The following STAB1 variants were observed in gnomAD, a reference collection of about 807,000 sequenced individuals.
STAB1 encodes stabilin-1.
Under a neutral mutation model 332.4 loss-of-function variants are expected in STAB1, and 250 were observed. That is an observed-to-expected ratio of 0.75 (90% confidence interval 0.68 to 0.84). STAB1 has a LOEUF of 0.84. STAB1 is among the 40% of genes least tolerant of loss of function. The probability of loss-of-function intolerance (pLI) is 0.00; values close to 1 mark genes in which losing one functional copy is unlikely to be tolerated. For missense variants in STAB1, 3,249 were observed against 3,489.7 expected (o/e 0.93, Z 1.74); for synonymous variants, 1,475 against 1,390.4 (o/e 1.06, Z -1.35).
chr3:52,514,036 G>T lies in STAB1; in HGVS notation c.3447+55G>T. On this transcript the variant is annotated intron_variant, in intron 32 of 68. Transcript: ENST00000321725. ...CTGCTCGGGGGACACTGTGCCCCAG[G>T]TCCAGAGGGACCTGGCTGGCTCCCA... 1.9e-6 allele frequency: 3 copies of T among 1,597,034 alleles called. No individual in the cohort carries two copies. The African/African-American group carries it at 4.0e-5, about 21-fold the overall frequency.
At position 52,520,989 on chromosome 3, in the gene STAB1, T is replaced by C. The variant is rs1287207068; in HGVS notation, c.5892T>C (p.Tyr1964=). ...AGCCCAGCTGCTGCCCTGGTCACTATGGCAGTGAGTGCCAAGGTGAGCATT... is the reference window on the plus strand; with the variant it reads ...AGCCCAGCTGCTGCCCTGGTCACTACGGCAGTGAGTGCCAAGGTGAGCATT... ...TWKPSCCPGH[Y]GSECQACPGG... The change falls in exon 55 of 69, where the codon TAT becomes TAC. Residue 1964 remains tyrosine, a synonymous_variant. Transcript: ENST00000321725. 1.3e-6 allele frequency: 2 copies of C among 1,550,848 alleles called. No individual in the cohort carries two copies. The highest frequency in any genetic ancestry group is 2.3e-5 in the East Asian group (1 of 44,414).
Position 52,517,473 on chromosome 3 carries a change from A to AG in STAB1, c.4564-71dup, listed in dbSNP as rs997343786. The AG allele has an allele frequency of 8.2e-5, 130 of 1,588,478 alleles. 1 individual carries two copies. The highest frequency in any genetic ancestry group is 1.8e-4 in the South Asian group (16 of 87,930). Reference sequence around the variant, plus strand: ...GCCTCCCTTCAGGGCAGGCCCGGGGAGGGGGGTGACCCTTTTACCCAGGGT... The same window carrying AG: ...GCCTCCCTTCAGGGCAGGCCCGGGGAGGGGGGGTGACCCTTTTACCCAGGGT... On this transcript the variant is annotated intron_variant, in intron 43 of 68. Coordinates refer to ENST00000321725, the MANE Select transcript of STAB1 (RefSeq NM_015136.3).
chr3:52,512,117 C>A (rs1481411890), intron 26 of STAB1, among the ~76,000 whole-genome samples: 1 of 152,266 alleles, frequency 6.6e-6, no homozygotes, highest in East Asian at 1.9e-4. Context: ...CAGCCCTGAG[C>A]TCCCTCGCAT....
chr3:52,498,208 T>A (rs763825433), intron 1 of STAB1, among the ~76,000 whole-genome samples: 2 of 152,236 alleles, frequency 1.3e-5, no homozygotes, highest in East Asian at 3.9e-4. Flanking sequence ...TCTCCTCAAC[T>A]TCCCCCAGCA....
Position 52,512,938 on chromosome 3 carries a change from G to A in STAB1, c.3138G>A (p.Arg1046=). ...PEDRAFWLQP[R]TLPNLVRAHF... ...ACCGAGCTTTCTGGCTGCAGCCAAGGACGCTGCCGAACCTGGTCAGGTGGG... is the reference window on the plus strand; with the variant it reads ...ACCGAGCTTTCTGGCTGCAGCCAAGAACGCTGCCGAACCTGGTCAGGTGGG... Residue 1046 remains arginine (R), a synonymous_variant, in exon 29 of 69, where the codon AGG becomes AGA. Transcript: ENST00000321725. 6.2e-7 allele frequency: 1 copy of A among 1,611,066 alleles called. No individual in the cohort carries two copies. Among genetic ancestry groups the A allele is most frequent in the Non-Finnish European group, 8.5e-7 (1 of 1,179,256 alleles).
Position 52,517,353 on chromosome 3 carries a change from G to A in STAB1, c.4523G>A (p.Cys1508Tyr), listed in dbSNP as rs1361958141. The A allele has an allele frequency of 6.2e-7, 1 of 1,603,888 alleles. No individual in the cohort carries two copies. Among genetic ancestry groups the A allele is most frequent in the South Asian group, 1.1e-5 (1 of 89,528 alleles). Reference protein sequence around the residue: ...INSCLIHHGGCHIHAECIPTG... With the variant: ...INSCLIHHGGYHIHAECIPTG... ...AGCTGTCTCATCCACCACGGGGGCTGCCACATTCACGCCGAGTGCATCCCC... is the reference window on the plus strand; with the variant it reads ...AGCTGTCTCATCCACCACGGGGGCTACCACATTCACGCCGAGTGCATCCCC... The change falls in exon 43 of 69, where the codon TGC (cysteine) becomes TAC (tyrosine). Residue 1508 changes from cysteine to tyrosine, a missense_variant. Transcript: ENST00000321725.
chr3:52,520,483 C>T lies in STAB1; in HGVS notation c.5583C>T (p.Asp1861=). ...PFEGGLAYGI[D]QLLEPPGLGA... ...AGGGTGGCCTGGCCTATGGCATCGACCAGCTGCTGGAGCCACCTGGCCTTG... is the reference window on the plus strand; with the variant it reads ...AGGGTGGCCTGGCCTATGGCATCGATCAGCTGCTGGAGCCACCTGGCCTTG... The change falls in exon 53 of 69, where the codon GAC becomes GAT. Residue 1861 remains aspartate, a synonymous_variant. Transcript: ENST00000321725. The T allele has an allele frequency of 2.5e-6, 4 of 1,612,690 alleles. No individual in the cohort carries two copies. The South Asian group carries it at 3.3e-5, about 13-fold the overall frequency.
rs1432591904 is a variant in STAB1, at chr3:52,505,101, C to T, written c.1476C>T (p.Gly492=). The change falls in exon 13 of 69, where the codon GGC becomes GGT. Residue 492 remains glycine, a synonymous_variant. Coordinates refer to ENST00000321725, the MANE Select transcript of STAB1 (RefSeq NM_015136.3). ...AANGVFHVVT[G]LRWQAPSGTP... ...ATGGCGTCTTCCACGTGGTCACTGG[C>T]CTGCGGTGGCAGGCCCCCTCTGGGA... 4.3e-6 allele frequency: 7 copies of T among 1,613,466 alleles called. No individual in the cohort carries two copies. Among genetic ancestry groups the T allele is most frequent in the African/African-American group, 1.3e-5 (1 of 74,936 alleles).
intron 30 of STAB1, 151 bp from the exon 31 acceptor site, chr3:52,513,566 G>C: frequency 1.3e-6 from 1 of 781,650 alleles, no homozygotes; most frequent in South Asian, 1.7e-5. Flanking sequence ...TCAGCTCCTG[G>C]GAGGAGCTTC....
Position 52,516,557 on chromosome 3 carries a change from A to AGTG in STAB1, c.4257_4259dup (p.Gln1419_Cys1420insTrp), listed in dbSNP as rs757757368. On this transcript the variant is annotated inframe_insertion, in exon 40 of 69. Transcript: ENST00000321725. ...TGCCCCCCAGAAATCACCAGCCCTC[A>AGTG]GTGCCCTAGGAAGTGCGACCCCAAT... is the stretch of plus-strand genomic sequence containing the variant. The AGTG allele has an allele frequency of 6.8e-6, 11 of 1,613,090 alleles. No homozygotes were observed. In the African/African-American group the frequency reaches 1.3e-4, roughly 20 times the overall value.
chr3:52,496,220 C>G (rs750574614), intron 1 of STAB1, among the ~76,000 whole-genome samples: 2 of 152,240 alleles, frequency 1.3e-5, no homozygotes, highest in Non-Finnish European at 2.9e-5. Context: ...GCCAGCCCCT[C>G]GGTCAGGTCC....
rs376305738 is a variant in STAB1, at chr3:52,510,516, C to T, written c.2787+9C>T. 7.8e-5 allele frequency: 125 copies of T among 1,610,616 alleles called. No homozygotes were observed. The African/African-American group carries it at 8.7e-4, about 11-fold the overall frequency. On this transcript the variant is annotated intron_variant, in intron 25 of 68. Transcript: ENST00000321725. ...ATGTGGGCCCCGGGCAGGTGAGGTGCAGCAGAGAAGGGGTGGGGGCCTTGG... is the reference window on the plus strand; with the variant it reads ...ATGTGGGCCCCGGGCAGGTGAGGTGTAGCAGAGAAGGGGTGGGGGCCTTGG...
chr3:52,497,309 T>C (rs970527573), intron 1 of STAB1, among the ~76,000 whole-genome samples: 11 of 151,636 alleles, frequency 7.3e-5, no homozygotes, highest in Non-Finnish European at 1.3e-4. Context: ...GACTTTTCTA[T>C]GTACATAGCA....
rs2078855340 is a variant in STAB1 at position 52,516,166 on chromosome 3, T to A, written c.4072T>A (p.Cys1358Ser). Residue 1358 changes from cysteine to serine, a missense_variant, in exon 38 of 69, where the codon TGC (cysteine) becomes AGC (serine). Transcript: ENST00000321725. ...DRFLGSGECHCHEGFHGTACE... is the reference protein window; with the variant it reads ...DRFLGSGECHSHEGFHGTACE... ...GTTCCTGGGCAGCGGGGAGTGCCAC[T>A]GCCACGAGGGCTTCCATGGAACGGC... is the stretch of plus-strand genomic sequence containing the variant. 1.2e-6 allele frequency: 2 copies of A among 1,612,214 alleles called. No individual in the cohort carries two copies.
chr3:52,507,928 T>G lies in STAB1; in HGVS notation c.2053-3T>G, dbSNP rs767452091. On this transcript the variant is annotated splice_polypyrimidine_tract_variant and splice_region_variant and intron_variant, in intron 19 of 68. Coordinates refer to ENST00000321725, the MANE Select transcript of STAB1 (RefSeq NM_015136.3). ...CTGACTGGCTTTGCATGGCCCACCC[T>G]AGGACATCTTCCCCAAGGAGTGTGT... 1 of 1,613,096 alleles carries G rather than the reference T, an allele frequency of 6.2e-7. No homozygotes were observed. Among genetic ancestry groups the G allele is most frequent in the Non-Finnish European group, 8.5e-7 (1 of 1,179,672 alleles).
chr3:52,512,280 G>A, intron 26 of STAB1, 61 bp from the exon 27 acceptor site: 1 of 1,510,514 alleles, frequency 6.6e-7, no homozygotes, highest in Admixed American at 1.7e-5. Context: ...AAAGATGGGG[G>A]AGGGAGGGGC....
At chr3:52,506,924 G>T in intron 18 of STAB1, 74 bp downstream of exon 18, 1 of 1,570,998 alleles carries the variant, frequency 6.4e-7, no homozygotes. Flanking sequence ...CCTCTTCCCA[G>T]GGAGAGGCGC....
At chr3:52,506,336 C>T in intron 17 of STAB1, 86 bp downstream of exon 17, 1 of 1,265,788 alleles carries the variant, frequency 7.9e-7, no homozygotes, top group Non-Finnish European at 1.1e-6. Context: ...TGCTCCGAGC[C>T]CCGTGGTGGG....
intron 5 of STAB1, 71 bp from the exon 6 acceptor site, chr3:52,502,561 C>A: frequency 7.4e-7 from 1 of 1,356,890 alleles, no homozygotes; most frequent in Non-Finnish European, 1.0e-6. Flanking sequence ...ATACAGAGAG[C>A]AGGGACCCGA....
Sources: allele counts gnomAD v4.1 joint callset (sites outside exome capture counted in the v4.1 genomes callset), GRCh38; gene constraint gnomAD v4.1.1; transcripts MANE v1.5; gene names NCBI Gene and HGNC (gene_info 2026-07-23, HGNC 2026-07-21).